RFX7: variants seen among roughly 807,000 people sequenced by gnomAD.
RFX7 encodes the protein DNA-binding protein RFX7.
In RFX7, 26 loss-of-function variants were observed where a neutral mutation model predicts 111.8. The observed-to-expected ratio is 0.23, with a 90% CI of 0.17 to 0.32. RFX7 has a LOEUF of 0.32. Ranked by LOEUF, RFX7 falls within the 10% of genes least tolerant of loss-of-function variation. The pLI, the probability that RFX7 is intolerant of heterozygous loss-of-function variation, is 1.00. For synonymous variants in RFX7, 624 were observed against 624.4 expected, an observed-to-expected ratio of 1.00 and a Z score of 0.01; for missense variants, 1,573 against 1,772.9, an observed-to-expected ratio of 0.89 and a Z score of 2.02.
At chr15:56,230,271 C>T (rs542052565) in intron 2 of RFX7, among the ~76,000 whole-genome samples, 7 of 152,294 alleles carry the variant, frequency 4.6e-5, no homozygotes, top group Non-Finnish European at 1.0e-4. Context: ...TGGTAGTCAT[C>T]TGCTCAGTGG....
chr15:56,209,407 C>G (rs920982305), intron 2 of RFX7, among the ~76,000 whole-genome samples: 26 of 151,924 alleles, frequency 1.7e-4, no homozygotes, highest in African/African-American at 6.3e-4. Flanking sequence ...GTAGACTTGC[C>G]TTGCAAGAAC....
chr15:56,087,487 A>C lies in RFX7; in HGVS notation c.*5858T>G. The C allele has an allele frequency of 2.2e-6, 1 of 456,708 alleles. No homozygotes were observed. The highest frequency in any genetic ancestry group is 4.4e-6 in the Non-Finnish European group (1 of 226,974). 28.3% of individuals were successfully genotyped at this position (456,708 alleles called of 1,614,324 possible). On this transcript the variant is annotated 3_prime_UTR_variant, in exon 10 of 10. Coordinates refer to ENST00000559447, the MANE Select transcript of RFX7 (RefSeq NM_022841.7). Reference sequence around the variant, plus strand: ...TAGCCATCACATTTGCATTCCAGCCAGCAGAGAGGAAGGACAAGAACACTG... The same window carrying C: ...TAGCCATCACATTTGCATTCCAGCCCGCAGAGAGGAAGGACAAGAACACTG...
At chr15:56,134,058 A>G (rs764931804) in intron 5 of RFX7, among the ~76,000 whole-genome samples, 2 of 152,170 alleles carry the variant, frequency 1.3e-5, no homozygotes, top group Non-Finnish European at 2.9e-5. Flanking sequence ...ATTTCTAACT[A>G]CTTGTCCAAT....
intron 2 of RFX7, among the ~76,000 whole-genome samples, chr15:56,222,150 T>G (rs2141216843): frequency 6.6e-6 from 1 of 152,342 alleles, no homozygotes; most frequent in African/African-American, 2.4e-5. Context: ...AATTTCCAGA[T>G]TGACAACTTT....
intron 2 of RFX7, chr15:56,192,659 G>C: frequency 4.8e-6 from 1 of 208,644 alleles, no homozygotes. Context: ...GAGTGTCCTT[G>C]CAAGGAACAG....
At chr15:56,238,574 C>T (rs1418762528) in intron 2 of RFX7, among the ~76,000 whole-genome samples, 6 of 152,010 alleles carry the variant, frequency 3.9e-5, no homozygotes, top group Admixed American at 1.3e-4. Flanking sequence ...GTGGGCAAAA[C>T]GATAGATCTT....
chr15:56,130,305 A>C (rs910158523), intron 5 of RFX7, among the ~76,000 whole-genome samples: 1 of 152,190 alleles, frequency 6.6e-6, no homozygotes, highest in African/African-American at 2.4e-5. Flanking sequence ...GACTGAAAGT[A>C]AATCTCAATA....
intron 5 of RFX7, among the ~76,000 whole-genome samples, chr15:56,111,940 C>A (rs1315275720): frequency 4.0e-5 from 6 of 151,826 alleles, no homozygotes; most frequent in Admixed American, 3.9e-4. Context: ...TATTGTGAAA[C>A]CCTGTCTCTA....
chr15:56,215,626 TTA>T (rs1159785222), intron 2 of RFX7, among the ~76,000 whole-genome samples: 1 of 152,216 alleles, frequency 6.6e-6, no homozygotes, highest in African/African-American at 2.4e-5. Flanking sequence ...GTTCCTATGT[TTA>T]TGAGTGGGAT....
intron 2 of RFX7, among the ~76,000 whole-genome samples, chr15:56,184,741 C>T (rs2043019595): frequency 6.6e-6 from 1 of 152,198 alleles, no homozygotes; most frequent in African/African-American, 2.4e-5. Context: ...CAAACGTTAT[C>T]TCCTTAGAAA....
At chr15:56,140,244 A>G (rs2141017907) in intron 5 of RFX7, among the ~76,000 whole-genome samples, 1 of 152,046 alleles carries the variant, frequency 6.6e-6, no homozygotes, top group South Asian at 2.1e-4. Context: ...TTGATCTCAG[A>G]CTGCTGTGCT....
Position 56,090,659 on chromosome 15 carries a change from C to A in RFX7, c.*2686G>T, listed in dbSNP as rs902054265. On this transcript the variant is annotated 3_prime_UTR_variant, in exon 10 of 10. Coordinates refer to ENST00000559447, the MANE Select transcript of RFX7 (RefSeq NM_022841.7). ...TCAACTACTGTAGTTTCAGCAGGTA[C>A]AACAGACAACAAAACACTGGGGAAA... 6.6e-6 allele frequency: 1 copy of A among 152,492 alleles called. No homozygotes were observed. The highest frequency in any genetic ancestry group is 1.5e-5 in the Non-Finnish European group (1 of 67,990). The allele number at this position is 152,492 out of a possible 1,614,324, so 9.4% of individuals were successfully genotyped here. A position where few individuals can be genotyped will look rare whatever the true frequency, so the allele number is the denominator to read the frequency against.
At chr15:56,121,626 CTCTG>C (rs2042080004) in intron 5 of RFX7, among the ~76,000 whole-genome samples, 1 of 152,150 alleles carries the variant, frequency 6.6e-6, no homozygotes, top group South Asian at 2.1e-4. Context: ...ATTCCTATCT[CTCTG>C]TCTACCTCCT....
rs575825552 is a variant in RFX7 at position 56,215,530 on chromosome 15, T to G, written c.161+27595A>C. Among the ~76,000 whole-genome samples the G allele has an allele frequency of 2.0e-3, 300 of 152,344 alleles. 2 individuals are homozygous for G. Among genetic ancestry groups the G allele is most frequent in the African/African-American group, 6.1e-3 (254 of 41,580 alleles). ...TTCTAATGAACCGACTTTGCCCTCC[T>G]GTAACAGACTCAAGCTGGCTAGGAT... On this transcript the variant is annotated intron_variant, in intron 2 of 9. Transcript: ENST00000559447.
chr15:56,200,845 G>A (rs367857391), intron 2 of RFX7, among the ~76,000 whole-genome samples: 30 of 151,512 alleles, frequency 2.0e-4, no homozygotes, highest in Middle Eastern at 3.2e-3. Context: ...TCTTTAAATT[G>A]AGAAAAACAA....
At chr15:56,142,466 C>G (rs1366866014) in intron 5 of RFX7, among the ~76,000 whole-genome samples, 1 of 152,170 alleles carries the variant, frequency 6.6e-6, no homozygotes, top group Admixed American at 6.5e-5. Flanking sequence ...CAGATACACA[C>G]TCCTATCATA....
intron 2 of RFX7, among the ~76,000 whole-genome samples, chr15:56,188,217 GA>G (rs1418313833): frequency 6.6e-6 from 1 of 152,134 alleles, no homozygotes; most frequent in Non-Finnish European, 1.5e-5. Flanking sequence ...TCAGATGGCA[GA>G]AAAAGGGTCA....
chr15:56,242,546 C>G (rs1345221127), intron 2 of RFX7, among the ~76,000 whole-genome samples: 10 of 151,948 alleles, frequency 6.6e-5, no homozygotes, highest in Non-Finnish European at 1.3e-4. Flanking sequence ...ATATTTTATA[C>G]TAAAAAAGCA....
intron 2 of RFX7, among the ~76,000 whole-genome samples, chr15:56,194,798 C>G (rs1227070736): frequency 6.6e-6 from 1 of 152,068 alleles, no homozygotes; most frequent in Non-Finnish European, 1.5e-5. Context: ...AAATTGGAAT[C>G]CTTGCACATT....
Sources: allele counts gnomAD v4.1 joint callset (sites outside exome capture counted in the v4.1 genomes callset), GRCh38; gene constraint gnomAD v4.1.1; transcripts MANE v1.5; gene names NCBI Gene and HGNC (gene_info 2026-07-23, HGNC 2026-07-21).